DCC: variants seen among roughly 807,000 people sequenced by gnomAD.
DCC encodes the protein netrin receptor DCC.
In DCC, 58 loss-of-function variants were observed where a neutral mutation model predicts 172.5. The observed-to-expected ratio is 0.34, with a 90% CI of 0.27 to 0.42. DCC has a LOEUF of 0.42. Ranked by LOEUF, DCC falls within the 10% of genes least tolerant of loss-of-function variation. The probability of loss-of-function intolerance (pLI) is 1.00; values close to 1 mark genes in which losing one functional copy is unlikely to be tolerated. For synonymous variants in DCC, 709 were observed against 644.5 expected (o/e 1.10, Z -1.52); for missense variants, 1,740 against 1,791.0 (o/e 0.97, Z 0.51).
intron 12 of DCC, among the ~76,000 whole-genome samples, chr18:53,221,259 TC>T (rs1391460978): frequency 6.6e-6 from 1 of 152,086 alleles, no homozygotes; most frequent in African/African-American, 2.4e-5. Flanking sequence ...ATCACCAGCT[TC>T]CATCTCTAGA....
At chr18:52,371,465 A>AT (rs371530526) in intron 1 of DCC, among the ~76,000 whole-genome samples, 2 of 152,326 alleles carry the variant, frequency 1.3e-5, no homozygotes, top group East Asian at 3.9e-4. Flanking sequence ...TAATACTCTA[A>AT]TTTTTTAGAG....
At chr18:53,397,607 T>A (rs1382513898) in intron 18 of DCC, among the ~76,000 whole-genome samples, 161 bp downstream of exon 18, 1 of 152,174 alleles carries the variant, frequency 6.6e-6, no homozygotes, top group Non-Finnish European at 1.5e-5. Context: ...AAGAGTATTC[T>A]CCTCACACTA....
intron 7 of DCC, among the ~76,000 whole-genome samples, chr18:53,108,488 T>A (rs1187784059): frequency 6.6e-6 from 1 of 151,832 alleles, no homozygotes; most frequent in Non-Finnish European, 1.5e-5. Context: ...TATTTTCTAG[T>A]TTGAACTTTT....
At chr18:53,509,995 T>G (rs1169290133) in intron 27 of DCC, among the ~76,000 whole-genome samples, 1 of 152,208 alleles carries the variant, frequency 6.6e-6, no homozygotes, top group Non-Finnish European at 1.5e-5. Flanking sequence ...TAAATTAGTA[T>G]TTATAAATTT....
intron 2 of DCC, among the ~76,000 whole-genome samples, chr18:52,807,230 A>G (rs1034554312): frequency 2.1e-4 from 32 of 152,264 alleles, no homozygotes; most frequent in Admixed American, 9.2e-4. Context: ...TACTTTACCT[A>G]GGTCACATAG....
chr18:52,629,067 TA>T (rs1568263453), intron 1 of DCC, among the ~76,000 whole-genome samples: 1 of 152,198 alleles, frequency 6.6e-6, no homozygotes. Flanking sequence ...AGAGGAGATC[TA>T]GGGGAATGTC....
chr18:53,181,599 C>T (rs1425961554), intron 9 of DCC, among the ~76,000 whole-genome samples: 1 of 151,778 alleles, frequency 6.6e-6, no homozygotes, highest in African/African-American at 2.4e-5. Context: ...TTTTGTATCA[C>T]ACATATGGCC....
intron 7 of DCC, among the ~76,000 whole-genome samples, chr18:53,125,791 C>T (rs979231244): frequency 2.6e-5 from 4 of 152,128 alleles, no homozygotes; most frequent in Non-Finnish European, 4.4e-5. Context: ...TTTATACTAC[C>T]ATTGACTAAC....
chr18:52,825,739 G>C (rs749313578), intron 2 of DCC, among the ~76,000 whole-genome samples: 6 of 151,990 alleles, frequency 3.9e-5, no homozygotes, highest in Non-Finnish European at 4.4e-5. Flanking sequence ...GCCTCAAACT[G>C]TTCTGCTGCT....
In DCC at chr18:53,493,061, G is replaced by T. The variant is rs376175597; in HGVS notation, c.3898+6103G>T. On this transcript the variant is annotated intron_variant, in intron 26 of 28. Transcript: ENST00000442544. ...CATTCCTTGTAAGTTGTATTCCTAG[G>T]TATTATTTTGTTCTCTTTGTAGCAA... 1.3e-3 allele frequency among the ~76,000 whole-genome samples: 197 copies of T among 152,066 alleles called. 3 individuals are homozygous for T. The highest frequency in any genetic ancestry group is 6.8e-3 in the Middle Eastern group (2 of 294).
At chr18:52,694,370 T>C (rs540162457) in intron 1 of DCC, among the ~76,000 whole-genome samples, 74 of 151,940 alleles carry the variant, frequency 4.9e-4, no homozygotes, top group Non-Finnish European at 9.4e-4. Flanking sequence ...AAAAAACTGG[T>C]GTAAAAAAAT....
intron 12 of DCC, among the ~76,000 whole-genome samples, chr18:53,292,598 A>G (rs548350591): frequency 6.6e-6 from 1 of 152,328 alleles, no homozygotes; most frequent in South Asian, 2.1e-4. Flanking sequence ...CTGAGGCAGG[A>G]GAATCACTTG....
At chr18:53,005,642 C>T (rs992834289) in intron 5 of DCC, among the ~76,000 whole-genome samples, 1 of 152,106 alleles carries the variant, frequency 6.6e-6, no homozygotes, top group Non-Finnish European at 1.5e-5. Flanking sequence ...CCAGGAGAAT[C>T]GATTGAACCC....
At chr18:52,658,935 A>G (rs932840491) in intron 1 of DCC, among the ~76,000 whole-genome samples, 3 of 152,194 alleles carry the variant, frequency 2.0e-5, no homozygotes, top group Admixed American at 1.3e-4. Context: ...TTGTCATTCA[A>G]TATAATTCAT....
chr18:52,741,762 T>G (rs565718352), intron 1 of DCC, among the ~76,000 whole-genome samples: 7 of 152,192 alleles, frequency 4.6e-5, no homozygotes, highest in Admixed American at 1.3e-4. Flanking sequence ...ACCCAGCTAT[T>G]CCTGGGGTGG....
intron 7 of DCC, among the ~76,000 whole-genome samples, chr18:53,134,527 T>A (rs571214083): frequency 6.6e-5 from 10 of 152,234 alleles, no homozygotes; most frequent in Admixed American, 6.5e-4. Context: ...TTCAGGTTAT[T>A]GGAGATACAG....
chr18:53,498,002 C>T (rs1568169351), intron 26 of DCC, among the ~76,000 whole-genome samples: 1 of 152,182 alleles, frequency 6.6e-6, no homozygotes, highest in African/African-American at 2.4e-5. Context: ...GCTCAGCCAA[C>T]CTTGTATCTA....
At chr18:52,486,603 A>G (rs1356508124) in intron 1 of DCC, among the ~76,000 whole-genome samples, 1 of 152,160 alleles carries the variant, frequency 6.6e-6, no homozygotes, top group Non-Finnish European at 1.5e-5. Flanking sequence ...CAAAGCAGGA[A>G]TAACACTTAT....
At chr18:53,344,133 T>A (rs1484048450) in intron 15 of DCC, among the ~76,000 whole-genome samples, 1 of 152,072 alleles carries the variant, frequency 6.6e-6, no homozygotes, top group Non-Finnish European at 1.5e-5. Flanking sequence ...ATTTCTACTG[T>A]TATCTTGACT....
Sources: gnomAD v4.1 joint callset for allele counts (sites outside exome capture counted in the v4.1 genomes callset) on GRCh38, gnomAD v4.1.1 for gene constraint, MANE v1.5 for transcripts, NCBI Gene and HGNC (gene_info 2026-07-23, HGNC 2026-07-21) for gene names.